KDM4B: variants seen among roughly 807,000 people sequenced by gnomAD.
KDM4B encodes lysine-specific demethylase 4B.
In KDM4B, 32 loss-of-function variants were observed where a neutral mutation model predicts 125.2. The observed-to-expected ratio is 0.26, with a 90% CI of 0.19 to 0.34. KDM4B has a LOEUF of 0.34. KDM4B is among the 10% of genes least tolerant of loss of function. The pLI is 1.00. For synonymous variants in KDM4B, 721 were observed against 677.9 expected (o/e 1.06, Z -0.99); for missense variants, 1,190 against 1,577.7 (o/e 0.75, Z 4.16).
At chr19:5,056,225 C>G (rs1448825198) in intron 6 of KDM4B, among the ~76,000 whole-genome samples, 1 of 152,154 alleles carries the variant, frequency 6.6e-6, no homozygotes, top group African/African-American at 2.4e-5. Flanking sequence ...AAGGGCCCTC[C>G]CATCACATCC....
intron 1 of KDM4B, among the ~76,000 whole-genome samples, chr19:4,983,267 A>G (rs1406781728): frequency 6.6e-6 from 1 of 151,210 alleles, no homozygotes; most frequent in East Asian, 2.0e-4. Context: ...GCCTGGTGCT[A>G]TAGATGGGGT....
intron 19 of KDM4B, 26 bp downstream of exon 19, chr19:5,144,178 C>G (rs1338542753): frequency 6.3e-7 from 1 of 1,592,392 alleles, no homozygotes; most frequent in East Asian, 2.3e-5. Context: ...CCTCCTTGCC[C>G]CCAGCCCCTG....
At chr19:4,991,307 CTTTTAAT>C (rs1313692120) in intron 1 of KDM4B, among the ~76,000 whole-genome samples, 4 of 150,330 alleles carry the variant, frequency 2.7e-5, no homozygotes, top group Admixed American at 6.7e-5. Context: ...TTTTTGTTAA[CTTTTAAT>C]TTTTAAAGAA....
rs554571622 is a variant in KDM4B at position 5,145,900 on chromosome 19, A to G, written c.3021+998A>G. 5.3e-5 allele frequency among the ~76,000 whole-genome samples: 8 copies of G among 152,304 alleles called. No homozygotes were observed. In the East Asian group the frequency reaches 1.5e-3, roughly 29 times the overall value. On this transcript the variant is annotated intron_variant, in intron 21 of 22. Transcript: ENST00000159111. ...AAACATCGGAGTTCAGCTCTTTACCACGTCGGTTAAGGTGAAAACCCTAAC... is the reference window on the plus strand; with the variant it reads ...AAACATCGGAGTTCAGCTCTTTACCGCGTCGGTTAAGGTGAAAACCCTAAC...
In KDM4B at chr19:5,090,868, G is replaced by C. The variant is rs142187793; in HGVS notation, c.918+8364G>C. Among the ~76,000 whole-genome samples, 675 of 151,804 alleles carry C rather than the reference G, an allele frequency of 4.4e-3. 7 individuals carry two copies. Among genetic ancestry groups the C allele is most frequent in the African/African-American group, 0.016 (647 of 41,412 alleles). ...AGCCCACACCCTCCCTGCCCACCAG[G>C]TGTCTCCTGGGCCAGTGGCTTCGTG... On this transcript the variant is annotated intron_variant, in intron 9 of 22. Coordinates refer to ENST00000159111, the MANE Select transcript of KDM4B (RefSeq NM_015015.3).
At chr19:5,020,053 G>A in intron 2 of KDM4B, among the ~76,000 whole-genome samples, 1 of 147,146 alleles carries the variant, frequency 6.8e-6, no homozygotes, top group Non-Finnish European at 1.5e-5. Flanking sequence ...GCAGGTGTCG[G>A]TGTGGGTGTT....
intron 10 of KDM4B, chr19:5,113,935 G>A (rs777366908): frequency 9.2e-5 from 112 of 1,218,848 alleles, no homozygotes; most frequent in Non-Finnish European, 1.1e-4. Flanking sequence ...GAGCTCAGAG[G>A]ACACGGCCTA....
In KDM4B at chr19:5,133,868, C is replaced by G; in HGVS notation, c.1907-15C>G. On this transcript the variant is annotated splice_polypyrimidine_tract_variant and intron_variant, in intron 13 of 22. Coordinates refer to ENST00000159111, the MANE Select transcript of KDM4B (RefSeq NM_015015.3). ...GGCTCAAGTGTCTCTCTCCCTCTCC[C>G]CTCTGTTCTTCTAGAGGCATCCCCT... 6.2e-7 allele frequency: 1 copy of G among 1,611,566 alleles called. No homozygotes were observed. The highest frequency in any genetic ancestry group is 2.2e-5 in the East Asian group (1 of 44,814).
intron 1 of KDM4B, among the ~76,000 whole-genome samples, chr19:4,989,754 G>A (rs1320192124): frequency 6.6e-6 from 1 of 152,072 alleles, no homozygotes. Flanking sequence ...CTGGGTTCAA[G>A]CGATTCTCCT....
chr19:4,974,738 CAAAA>C (rs796667578), intron 1 of KDM4B, among the ~76,000 whole-genome samples: 1 of 69,382 alleles, frequency 1.4e-5, no homozygotes, highest in African/African-American at 4.3e-5. Context: ...ACTCTGTCTC[CAAAA>C]AAAAAAAAAA....
Position 5,024,394 on chromosome 19 carries a change from G to T in KDM4B, c.-26+8055G>T, listed in dbSNP as rs151330902. Among the ~76,000 whole-genome samples the T allele has an allele frequency of 6.6e-3, 1,000 of 152,264 alleles. 9 individuals are homozygous for T. Among genetic ancestry groups the T allele is most frequent in the African/African-American group, 0.023 (957 of 41,542 alleles). ...GACTGAAGAGTGAGGGTGGCAGCCC[G>T]GGAGGGTATCCTTGGGCCCAGTGTG... On this transcript the variant is annotated intron_variant, in intron 2 of 22. Coordinates refer to ENST00000159111, the MANE Select transcript of KDM4B (RefSeq NM_015015.3).
intron 1 of KDM4B, among the ~76,000 whole-genome samples, chr19:4,999,608 A>G (rs1279172885): frequency 1.3e-5 from 2 of 152,134 alleles, no homozygotes; most frequent in Non-Finnish European, 2.9e-5. Flanking sequence ...TTGTGTGTGT[A>G]TATATGAATA....
At chr19:5,086,268 C>T (rs182151765) in intron 9 of KDM4B, among the ~76,000 whole-genome samples, 2 of 151,718 alleles carry the variant, frequency 1.3e-5, no homozygotes, top group African/African-American at 4.8e-5. Flanking sequence ...ACCCTCCTGC[C>T]CTGGCCGGGC....
chr19:5,138,877 A>G (rs1418429686), intron 18 of KDM4B, among the ~76,000 whole-genome samples: 1 of 152,170 alleles, frequency 6.6e-6, no homozygotes, highest in Non-Finnish European at 1.5e-5. Flanking sequence ...TGCCTGTGTT[A>G]TAGACCCCAC....
Position 5,082,780 on chromosome 19 carries a change from G to A in KDM4B, c.918+276G>A, listed in dbSNP as rs767223529. Among the ~76,000 whole-genome samples, 3 of 152,332 alleles carry A rather than the reference G, an allele frequency of 2.0e-5. No individual in the cohort carries two copies. The South Asian group carries it at 6.2e-4, about 32-fold the overall frequency. ...ATACACCAGTTATCCCTCGGCCTGCGTGGGCCTCCTGGGCATGGCCGGCTG... is the reference window on the plus strand; with the variant it reads ...ATACACCAGTTATCCCTCGGCCTGCATGGGCCTCCTGGGCATGGCCGGCTG... On this transcript the variant is annotated intron_variant, in intron 9 of 22. Transcript: ENST00000159111. The surrounding 1 kb of genome is among the most constrained non-coding windows in gnomAD (Gnocchi z 5.4).
At chr19:5,124,268 A>G (rs1415864297) in intron 11 of KDM4B, among the ~76,000 whole-genome samples, 1 of 151,540 alleles carries the variant, frequency 6.6e-6, no homozygotes, top group East Asian at 2.0e-4. Context: ...GGGCAGAGAT[A>G]AGAGGACACG....
rs2038152725 is a variant in KDM4B, at chr19:5,077,475, G to A, written c.780+5G>A. ...TACGGGATCCCCTTCAGCCGGGTGC[G>A]TACGGGTGGGGCCTGCACGCCTGTG... On this transcript the variant is annotated splice_donor_5th_base_variant and intron_variant, in intron 8 of 22. Coordinates refer to ENST00000159111, the MANE Select transcript of KDM4B (RefSeq NM_015015.3). 1 of 1,612,060 alleles carries A rather than the reference G, an allele frequency of 6.2e-7. No homozygotes were observed. The highest frequency in any genetic ancestry group is 8.5e-7 in the Non-Finnish European group (1 of 1,178,910).
At chr19:5,008,386 C>A (rs2035624564) in intron 1 of KDM4B, among the ~76,000 whole-genome samples, 1 of 152,152 alleles carries the variant, frequency 6.6e-6, no homozygotes, top group Non-Finnish European at 1.5e-5. Flanking sequence ...GTACTTATGC[C>A]AGTACCATGC....
Position 5,114,390 on chromosome 19 carries a change from C to A in KDM4B, c.1115+3572C>A. ...TTGGCCTGTCGCCCCTGCGCCAGTG[C>A]AGGACACCGCCACGCCTCTGGCCCC... On this transcript the variant is annotated intron_variant, in intron 10 of 22. Transcript: ENST00000159111. The surrounding 1 kb of genome is among the most constrained non-coding windows in gnomAD (Gnocchi z 5.8). 1 of 513,812 alleles carries A rather than the reference C, an allele frequency of 1.9e-6. No homozygotes were observed. The highest frequency in any genetic ancestry group is 3.6e-6 in the Non-Finnish European group (1 of 281,614). The allele number at this position is 513,812 out of a possible 1,614,324, so 31.8% of individuals were successfully genotyped here.
Sources: allele counts gnomAD v4.1 joint callset (sites outside exome capture counted in the v4.1 genomes callset), GRCh38; gene constraint gnomAD v4.1.1; non-coding constraint Gnocchi (gnomAD v3.1); transcripts MANE v1.5; gene names NCBI Gene and HGNC (gene_info 2026-07-23, HGNC 2026-07-21).